Variants in ZFHX3 observed in about 807,000 individuals in gnomAD.
ZFHX3 encodes the protein zinc finger homeobox 3, also known as zinc finger homeobox protein 3.
A neutral mutation model predicts 279.1 loss-of-function variants in ZFHX3; 42 were observed. The observed-to-expected ratio is 0.15, with a 90% CI of 0.12 to 0.19. ZFHX3 has a LOEUF of 0.19. Ranked by LOEUF, ZFHX3 falls within the 10% of genes least tolerant of loss-of-function variation. The probability of loss-of-function intolerance (pLI) is 1.00; values close to 1 mark genes in which losing one functional copy is unlikely to be tolerated. For synonymous variants in ZFHX3, 2,293 were observed against 1,957.8 expected, an observed-to-expected ratio of 1.17 and a Z score of -4.52; for missense variants, 4,981 against 4,754.0, an observed-to-expected ratio of 1.05 and a Z score of -1.40.
At chr16:73,771,479 T>C (rs1384222441) in intron 1 of ZFHX3, among the ~76,000 whole-genome samples, 1 of 152,194 alleles carries the variant, frequency 6.6e-6, no homozygotes, top group Non-Finnish European at 1.5e-5. Flanking sequence ...AAAGCAATGG[T>C]CAGTAAGGAA....
chr16:73,774,664 T>A (rs902611872), intron 1 of ZFHX3, among the ~76,000 whole-genome samples: 4 of 152,234 alleles, frequency 2.6e-5, no homozygotes, highest in African/African-American at 9.6e-5. Context: ...AGGCATCCAT[T>A]GCACAAGGAA....
chr16:73,105,457 A>G (rs75644065), intron 7 of ZFHX3, among the ~76,000 whole-genome samples: 1 of 120,456 alleles, frequency 8.3e-6, no homozygotes, highest in Admixed American at 7.9e-5. Flanking sequence ...ATATATATAT[A>G]TTTTTTCCCC....
At chr16:72,790,541 C>T (rs1567510533) in intron 9 of ZFHX3, 1 of 152,170 alleles carries the variant, frequency 6.6e-6, no homozygotes. Flanking sequence ...CCTCAGATTT[C>T]AGACGAAAAG....
At chr16:73,663,381 A>G (rs1461728359) in intron 2 of ZFHX3, among the ~76,000 whole-genome samples, 2 of 152,178 alleles carry the variant, frequency 1.3e-5, no homozygotes, top group Non-Finnish European at 2.9e-5. Context: ...ATCCAAGGGC[A>G]CCTTGACCAC....
intron 2 of ZFHX3, among the ~76,000 whole-genome samples, chr16:73,509,521 CTTTT>C (rs531436437): frequency 0.013 from 1,373 of 102,964 alleles, 22 homozygotes; most frequent in African/African-American, 0.044. Flanking sequence ...TTTCCCTCTC[CTTTT>C]TTTTTTTTTT....
chr16:73,611,222 T>C (rs970107733), intron 2 of ZFHX3, among the ~76,000 whole-genome samples: 1 of 152,156 alleles, frequency 6.6e-6, no homozygotes, highest in East Asian at 1.9e-4. Flanking sequence ...AGGACAATCA[T>C]TTATTCATTC....
intron 3 of ZFHX3, among the ~76,000 whole-genome samples, chr16:72,936,232 T>G (rs1198605133): frequency 6.6e-6 from 1 of 152,208 alleles, no homozygotes; most frequent in East Asian, 1.9e-4. Context: ...ATGCCAAGTG[T>G]GCGCATGAGG....
chr16:73,515,816 C>G (rs1331032491), intron 2 of ZFHX3, among the ~76,000 whole-genome samples: 1 of 152,210 alleles, frequency 6.6e-6, no homozygotes, highest in African/African-American at 2.4e-5. Flanking sequence ...TTTTGATCAT[C>G]TGACCAGCTG....
chr16:72,861,861 A>C (rs1159471828), intron 4 of ZFHX3, among the ~76,000 whole-genome samples: 1 of 152,072 alleles, frequency 6.6e-6, no homozygotes, highest in East Asian at 1.9e-4. Flanking sequence ...CTAAAAATAC[A>C]AAAATTAGCC....
intron 1 of ZFHX3, among the ~76,000 whole-genome samples, chr16:73,013,630 A>G (rs1017441634): frequency 2.6e-5 from 4 of 152,116 alleles, no homozygotes; most frequent in Non-Finnish European, 5.9e-5. Context: ...TCTCTCAAGT[A>G]TGACTCTTTG....
chr16:73,340,287 G>A (rs567150692), intron 3 of ZFHX3, among the ~76,000 whole-genome samples: 7 of 152,358 alleles, frequency 4.6e-5, no homozygotes, highest in African/African-American at 1.7e-4. Flanking sequence ...TGGGAATACA[G>A]CCAAGTGTAT....
In ZFHX3 at chr16:72,786,591, A is replaced by G. The variant is rs1466027547; in HGVS notation, c.*573T>C. 2 of 151,762 alleles carry G rather than the reference A, an allele frequency of 1.3e-5. No homozygotes were observed. The highest frequency in any genetic ancestry group is 2.9e-5 in the Non-Finnish European group (2 of 67,830). 9.4% of individuals were successfully genotyped at this position (151,762 alleles called of 1,614,324 possible). ...AAAAAATCTTTTCTGGAACAAAAAA[A>G]AAAAAAAAAACTGAAAAAACAATAA... is the stretch of plus-strand genomic sequence containing the variant. On this transcript the variant is annotated 3_prime_UTR_variant, in exon 10 of 10. Coordinates refer to ENST00000268489, the MANE Select transcript of ZFHX3 (RefSeq NM_006885.4).
intron 1 of ZFHX3, among the ~76,000 whole-genome samples, chr16:73,797,636 T>C (rs1022409761): frequency 8.0e-6 from 1 of 124,884 alleles, no homozygotes; most frequent in Admixed American, 7.9e-5. Flanking sequence ...CAGGGGCTGG[T>C]AGAGATTTGG....
chr16:73,468,225 C>G (rs566872113), intron 2 of ZFHX3, among the ~76,000 whole-genome samples: 1 of 152,318 alleles, frequency 6.6e-6, no homozygotes, highest in African/African-American at 2.4e-5. Context: ...GCCCACACCT[C>G]TAAGGACAGT....
intron 3 of ZFHX3, among the ~76,000 whole-genome samples, chr16:73,357,432 T>A (rs919301555): frequency 1.3e-5 from 2 of 152,118 alleles, no homozygotes; most frequent in Non-Finnish European, 2.9e-5. Flanking sequence ...CTAGGGCAAC[T>A]GAGATGGCAA....
At chr16:73,040,273 G>C (rs1439559271) in intron 1 of ZFHX3, among the ~76,000 whole-genome samples, 1 of 152,166 alleles carries the variant, frequency 6.6e-6, no homozygotes, top group Non-Finnish European at 1.5e-5. Context: ...CAGGGCAAGG[G>C]ACAGGCGAGG....
chr16:73,672,248 AAG>A (rs2052911168), intron 2 of ZFHX3, among the ~76,000 whole-genome samples: 1 of 152,148 alleles, frequency 6.6e-6, no homozygotes, highest in African/African-American at 2.4e-5. Context: ...CAACCAGGAA[AAG>A]AGAAAGGAAC....
intron 1 of ZFHX3, among the ~76,000 whole-genome samples, chr16:73,858,866 G>T (rs997244118): frequency 6.6e-6 from 1 of 152,164 alleles, no homozygotes; most frequent in Non-Finnish European, 1.5e-5. Flanking sequence ...TGAAGGAGAG[G>T]ATCCCAAGAT....
At chr16:72,952,316 C>A (rs1455858297) in intron 2 of ZFHX3, among the ~76,000 whole-genome samples, 1 of 152,212 alleles carries the variant, frequency 6.6e-6, no homozygotes, top group African/African-American at 2.4e-5. Context: ...CAATATCCCT[C>A]CCGTCAGTCA....
Sources: gnomAD v4.1 joint callset for allele counts (sites outside exome capture counted in the v4.1 genomes callset) on GRCh38, gnomAD v4.1.1 for gene constraint, MANE v1.5 for transcripts, NCBI Gene and HGNC (gene_info 2026-07-23, HGNC 2026-07-21) for gene names.